Variants in FMNL1 observed in about 807,000 individuals in gnomAD.
FMNL1 encodes formin like 1, also known as formin-like protein 1.
Under a neutral mutation model 121.3 loss-of-function variants are expected in FMNL1, and 43 were observed. The observed-to-expected ratio is 0.35, with a 90% confidence interval of 0.28 to 0.46. FMNL1 has a LOEUF of 0.46. Among genes scored for constraint, FMNL1 ranks in the 20% least tolerant of loss-of-function variants. The pLI is 1.00. For synonymous variants in FMNL1, 613 were observed against 613.5 expected (o/e 1.00, Z 0.01); for missense variants, 1,191 against 1,482.4 (o/e 0.80, Z 3.23).
chr17:45,234,369 G>A, intron 6 of FMNL1, 169 bp downstream of exon 6: 1 of 1,184,140 alleles, frequency 8.4e-7, no homozygotes, highest in Non-Finnish European at 1.2e-6. Context: ...ATGTTAAGAA[G>A]CCATCAGGGG....
chr17:45,232,510 T>G (rs760847469), intron 3 of FMNL1, 30 bp downstream of exon 3: 2 of 1,604,978 alleles, frequency 1.2e-6, no homozygotes, highest in Non-Finnish European at 1.7e-6. Context: ...ACTCTGTCCC[T>G]TTCCCCCACA....
chr17:45,243,090 G>C, intron 16 of FMNL1, 28 bp from the exon 17 acceptor site: 1 of 1,612,726 alleles, frequency 6.2e-7, no homozygotes, highest in Non-Finnish European at 8.5e-7. Context: ...GCCCCACCCA[G>C]CTCCGCCTCC....
chr17:45,236,551 G>C, intron 7 of FMNL1: 1 of 244,328 alleles, frequency 4.1e-6, no homozygotes, highest in Non-Finnish European at 7.9e-6. Context: ...GAACAGCCTC[G>C]GGTCGATTCA....
At chr17:45,246,022 A>T (rs371915162) in intron 24 of FMNL1, 49 bp downstream of exon 24, 44 of 1,518,334 alleles carry the variant, frequency 2.9e-5, no homozygotes, top group Non-Finnish European at 3.8e-5. Context: ...GATGCATGGC[A>T]TCTCATCACC....
Position 45,243,236 on chromosome 17 carries a change from T to C in FMNL1, c.2129T>C (p.Ile710Thr), listed in dbSNP as rs745966484. Residue 710 changes from isoleucine to threonine, a missense_variant, in exon 17 of 27, where the codon ATT becomes ACT. Ile to Thr is a moderately conservative substitution (Grantham distance 89). Transcript: ENST00000331495. The stretch of plus-strand genomic sequence containing the variant: ...AAGGCCCCCAGCAAGGCGACACTCA[T>C]TGAGGCCAACCGGGCCAAGAACTTG... Reference protein sequence around the residue: ...AQKAPSKATLIEANRAKNLAI... With the variant: ...AQKAPSKATLTEANRAKNLAI... The C allele has an allele frequency of 2.4e-5, 39 of 1,614,172 alleles. No individual in the cohort carries two copies. Among genetic ancestry groups the C allele is most frequent in the Non-Finnish European group, 3.2e-5 (38 of 1,180,008 alleles).
intron 7 of FMNL1, chr17:45,236,462 G>T (rs1223894450): frequency 1.3e-5 from 6 of 464,592 alleles, no homozygotes; most frequent in Non-Finnish European, 1.9e-5. Flanking sequence ...GAGTACCCCT[G>T]CCCATGGCTG....
At chr17:45,230,582 T>C (rs2043417901) in intron 1 of FMNL1, 22 bp from the exon 2 acceptor site, 1 of 1,611,968 alleles carries the variant, frequency 6.2e-7, no homozygotes, top group East Asian at 2.2e-5. Context: ...GGCTCAGGGG[T>C]CTTTGTCCTC....
Position 45,233,561 on chromosome 17 carries a change from C to G in FMNL1, c.402-87C>G. On this transcript the variant is annotated intron_variant, in intron 4 of 26. Coordinates refer to ENST00000331495, the MANE Select transcript of FMNL1 (RefSeq NM_005892.4). The surrounding 1 kb of genome is among the most constrained non-coding windows in gnomAD (Gnocchi z 4.1). ...GGGTCTTTGGGGGTTGAAAGGGCACCCCAGGGGTCCTTGCTGTCCCTGTTC... is the reference window on the plus strand; with the variant it reads ...GGGTCTTTGGGGGTTGAAAGGGCACGCCAGGGGTCCTTGCTGTCCCTGTTC... 1.3e-6 allele frequency: 2 copies of G among 1,509,182 alleles called. No individual in the cohort carries two copies. The highest frequency in any genetic ancestry group is 1.8e-6 in the Non-Finnish European group (2 of 1,094,424). The allele number at this position is 1,509,182 out of a possible 1,614,324, so 93.5% of individuals were successfully genotyped here. A position where few individuals can be genotyped will look rare whatever the true frequency, so the allele number is the denominator to read the frequency against.
At position 45,238,833 on chromosome 17, in the gene FMNL1, G is replaced by A. The variant is rs1275880863; in HGVS notation, c.970-122G>A. ...GGAGGTGAAATGTTGGGCAGGCCAA[G>A]GCTGGGAGTTAGTGGAGTGAGAACT... On this transcript the variant is annotated intron_variant, in intron 10 of 26. Transcript: ENST00000331495. 12 of 1,098,066 alleles carry A rather than the reference G, an allele frequency of 1.1e-5. No homozygotes were observed. The East Asian group carries it at 2.7e-4, about 24-fold the overall frequency. 68.0% of individuals were successfully genotyped at this position (1,098,066 alleles called of 1,614,324 possible).
In FMNL1 at chr17:45,231,836, T is replaced by C. The variant is rs2043445021; in HGVS notation, c.214-531T>C. On this transcript the variant is annotated intron_variant, in intron 2 of 26. Coordinates refer to ENST00000331495, the MANE Select transcript of FMNL1 (RefSeq NM_005892.4). The surrounding 1 kb of genome is among the most constrained non-coding windows in gnomAD (Gnocchi z 4.7). ...CCTCCAGCCGTCCTTCCCCGCCGTA[T>C]GCCAGCTCTGGTCCAGGGAGGGCAC... 6.6e-6 allele frequency among the ~76,000 whole-genome samples: 1 copy of C among 152,150 alleles called. No individual in the cohort carries two copies. The highest frequency in any genetic ancestry group is 1.5e-5 in the Non-Finnish European group (1 of 68,004).
At position 45,247,067 on chromosome 17, in the gene FMNL1, C is replaced by T; in HGVS notation, c.*209C>T. On this transcript the variant is annotated 3_prime_UTR_variant, in exon 27 of 27. Coordinates refer to ENST00000331495, the MANE Select transcript of FMNL1 (RefSeq NM_005892.4). ...CTCAGCTCGGCTGGCCGGGCAGCCC[C>T]TCCTCCGCTGTGGCCCGCCTCAAAC... 1 of 628,328 alleles carries T rather than the reference C, an allele frequency of 1.6e-6. No individual in the cohort carries two copies. Among genetic ancestry groups the T allele is most frequent in the East Asian group, 2.8e-5 (1 of 36,286 alleles). The allele number at this position is 628,328 out of a possible 1,614,324, so 38.9% of individuals were successfully genotyped here. A position where few individuals can be genotyped will look rare whatever the true frequency, so the allele number is the denominator to read the frequency against.
Position 45,233,247 on chromosome 17 carries a change from C to T in FMNL1, c.351C>T (p.Ser117=). Reference sequence around the variant, plus strand: ...AGTTTAAGAGGCGAGTTCAGGAGTCCACGCAGGTGCTACGGGAGCTGGAGA... The same window carrying T: ...AGTTTAAGAGGCGAGTTCAGGAGTCTACGCAGGTGCTACGGGAGCTGGAGA... ...NLGFKRRVQE[S]TQVLRELETS... Residue 117 remains serine, a synonymous_variant, in exon 4 of 27, where the codon TCC becomes TCT. Transcript: ENST00000331495. This position sits in a 1 kb window ranked among gnomAD's most constrained non-coding sequence, Gnocchi z 4.1. 1.9e-6 allele frequency: 3 copies of T among 1,560,642 alleles called. No individual in the cohort carries two copies. Among genetic ancestry groups the T allele is most frequent in the Non-Finnish European group, 2.6e-6 (3 of 1,152,468 alleles).
intron 11 of FMNL1, among the ~76,000 whole-genome samples, chr17:45,239,742 G>C (rs368940689): frequency 6.6e-6 from 1 of 152,036 alleles, no homozygotes; most frequent in African/African-American, 2.4e-5. Context: ...CAACATGGGT[G>C]AGCCTTGAAA....
At chr17:45,223,708 C>T (rs1456008612) in intron 1 of FMNL1, among the ~76,000 whole-genome samples, 1 of 152,144 alleles carries the variant, frequency 6.6e-6, no homozygotes, top group Non-Finnish European at 1.5e-5. Flanking sequence ...GGAGAGCCTG[C>T]ATTGGTGGTG....
chr17:45,238,198 A>G (rs1414150261), intron 9 of FMNL1: 2 of 232,808 alleles, frequency 8.6e-6, no homozygotes, highest in Non-Finnish European at 1.7e-5. Context: ...AAAGCCAGCA[A>G]TGTTGCAGAG....
Position 45,233,343 on chromosome 17 carries a change from G to A in FMNL1, c.401+46G>A. On this transcript the variant is annotated intron_variant, in intron 4 of 26. Transcript: ENST00000331495. This position sits in a 1 kb window ranked among gnomAD's most constrained non-coding sequence, Gnocchi z 4.1. ...TCCTCTCTGGGCCTAGGAAGGCTCT[G>A]CTTCCAGGCAGCTCCTGGAGCTTCC... The A allele has an allele frequency of 6.5e-7, 1 of 1,533,110 alleles. No individual in the cohort carries two copies. Among genetic ancestry groups the A allele is most frequent in the Non-Finnish European group, 8.8e-7 (1 of 1,133,850 alleles). 95.0% of individuals were successfully genotyped at this position (1,533,110 alleles called of 1,614,324 possible). A position where few individuals can be genotyped will look rare whatever the true frequency, so the allele number is the denominator to read the frequency against.
intron 2 of FMNL1, 69 bp downstream of exon 2, chr17:45,230,756 G>T: frequency 1.3e-6 from 2 of 1,529,730 alleles, no homozygotes; most frequent in South Asian, 1.2e-5. Context: ...CCAGGCTGGG[G>T]CTATGGGGAG....
chr17:45,240,680 G>T, intron 12 of FMNL1, 55 bp downstream of exon 12: 1 of 1,566,646 alleles, frequency 6.4e-7, no homozygotes, highest in Non-Finnish European at 8.7e-7. Context: ...AGGGCACACG[G>T]GCCACAGGGC....
chr17:45,241,354 G>A lies in FMNL1; in HGVS notation c.1333-28G>A. On this transcript the variant is annotated intron_variant, in intron 13 of 26. Transcript: ENST00000331495. The surrounding 1 kb of genome is among the most constrained non-coding windows in gnomAD (Gnocchi z 7.0). Reference sequence around the variant, plus strand: ...TTGGTGCCAAGGAGCCTGCTGGTGGGCACTGACCCCTCCCGTGGGGTTCGT... The same window carrying A: ...TTGGTGCCAAGGAGCCTGCTGGTGGACACTGACCCCTCCCGTGGGGTTCGT... 1.3e-6 allele frequency: 2 copies of A among 1,581,726 alleles called. No homozygotes were observed. Among genetic ancestry groups the A allele is most frequent in the South Asian group, 2.3e-5 (2 of 88,060 alleles).
Sources: gnomAD v4.1 joint callset for allele counts (sites outside exome capture counted in the v4.1 genomes callset) on GRCh38, gnomAD v4.1.1 for gene constraint, Gnocchi (gnomAD v3.1) non-coding constraint, MANE v1.5 for transcripts, NCBI Gene and HGNC (gene_info 2026-07-23, HGNC 2026-07-21) for gene names.